NPEPL1: variants seen among roughly 807,000 people sequenced by gnomAD.
NPEPL1 encodes probable aminopeptidase NPEPL1.
NPEPL1 carries 45 observed loss-of-function variants against 52.4 expected under a neutral mutation model. That is an observed-to-expected ratio of 0.86 (90% confidence interval 0.68 to 1.10). NPEPL1 has a LOEUF of 1.10. NPEPL1 is among the 50% of genes least tolerant of loss of function. The pLI is 0.00. For synonymous variants in NPEPL1, 360 were observed against 314.7 expected (o/e 1.14, Z -1.52); for missense variants, 696 against 710.9 (o/e 0.98, Z 0.24).
At chr20:58,692,582 G>GAAGGGCCGC (rs1481515969), upstream of NPEPL1, 1 of 118,098 alleles carries the variant, frequency 8.5e-6, no homozygotes, top group Non-Finnish European at 1.9e-5. This position sits in a 1 kb window ranked among gnomAD's most constrained non-coding sequence, Gnocchi z 5.7. Context: ...CGCGTGTTGG[G>GAAGGGCCGC]CAGGGCCGCT....
At chr20:58,707,385 G>A (rs913523150) in intron 7 of NPEPL1, among the ~76,000 whole-genome samples, 185 bp downstream of exon 7, 2 of 152,230 alleles carry the variant, frequency 1.3e-5, no homozygotes, top group African/African-American at 2.4e-5. Context: ...CTTCATCAGA[G>A]CTGCTCTGGG....
At chr20:58,691,943 C>A, upstream of NPEPL1, 1 of 747,980 alleles carries the variant, frequency 1.3e-6, no homozygotes, top group Non-Finnish European at 2.4e-6. Flanking sequence ...CCACCATCCA[C>A]TCAAGGCTCA....
chr20:58,706,648 C>A (rs2084737053), intron 6 of NPEPL1, among the ~76,000 whole-genome samples: 1 of 152,068 alleles, frequency 6.6e-6, no homozygotes, highest in South Asian at 2.1e-4. Context: ...CCAGAGGCTC[C>A]CTGGACCTCA....
In NPEPL1 at chr20:58,712,489, A is replaced by G. The variant is rs368843269; in HGVS notation, c.911A>G (p.Asp304Gly). The change falls in exon 8 of 12, where the codon GAC (aspartate) becomes GGC (glycine). Residue 304 changes from aspartate to glycine, a missense_variant. By Grantham distance (94) the Asp-to-Gly change is moderately conservative. Coordinates refer to ENST00000356091, the MANE Select transcript of NPEPL1 (RefSeq NM_024663.4). ...CACTTCTCCCTCCAGGGTTTCAAAGACAACCTCCACGCTGTGTTCTGCTTG... is the reference window on the plus strand; with the variant it reads ...CACTTCTCCCTCCAGGGTTTCAAAGGCAACCTCCACGCTGTGTTCTGCTTG... Reference protein sequence around the residue: ...FRAAIKQGFKDNLHAVFCLAE... With the variant: ...FRAAIKQGFKGNLHAVFCLAE... 2.5e-6 allele frequency: 4 copies of G among 1,611,976 alleles called. No individual in the cohort carries two copies. The highest frequency in any genetic ancestry group is 2.7e-5 in the African/African-American group (2 of 74,686).
upstream of NPEPL1, chr20:58,691,908 A>C (rs962448700): frequency 6.4e-6 from 6 of 943,750 alleles, no homozygotes; most frequent in South Asian, 1.4e-5. Flanking sequence ...CTTGCATCTG[A>C]CCCTGTGGGT....
At chr20:58,696,231 ACTCCTGCTCTTGCTC>A (rs530398151) in intron 3 of NPEPL1, among the ~76,000 whole-genome samples, 146 of 151,716 alleles carry the variant, frequency 9.6e-4, no homozygotes, top group African/African-American at 3.5e-3. Flanking sequence ...GGCCACGCCC[ACTCCTGCTCTTGCTC>A]CTCTGCAGGG....
In NPEPL1 at chr20:58,713,809, C is replaced by T. The variant is rs1269906617; in HGVS notation, c.1126-108C>T. ...TTTTTTCTTTTTTTCTCAACCGTCTCTTTTCTGGCTCCCTTATTTCTCTGT... is the reference window on the plus strand; with the variant it reads ...TTTTTTCTTTTTTTCTCAACCGTCTTTTTTCTGGCTCCCTTATTTCTCTGT... On this transcript the variant is annotated intron_variant, in intron 9 of 11. Coordinates refer to ENST00000356091, the MANE Select transcript of NPEPL1 (RefSeq NM_024663.4). This position sits in a 1 kb window ranked among gnomAD's most constrained non-coding sequence, Gnocchi z 4.6. 3.1e-6 allele frequency: 4 copies of T among 1,270,080 alleles called. No homozygotes were observed. In the African/African-American group the frequency reaches 6.1e-5, roughly 19 times the overall value. The allele number at this position is 1,270,080 out of a possible 1,614,324, so 78.7% of individuals were successfully genotyped here.
Position 58,705,407 on chromosome 20 carries a change from T to C in NPEPL1, c.823-1716T>C, listed in dbSNP as rs1601119667. The C allele has an allele frequency of 1.1e-5, 5 of 453,364 alleles. No individual in the cohort carries two copies. The East Asian group carries it at 2.8e-4, about 25-fold the overall frequency. The allele number at this position is 453,364 out of a possible 1,614,324, so 28.1% of individuals were successfully genotyped here. ...AGTCACACGGAATATGGAAAATGTA[T>C]TGTACCCAAGGGTTGAGAGTTTTAA... On this transcript the variant is annotated intron_variant, in intron 6 of 11. Coordinates refer to ENST00000356091, the MANE Select transcript of NPEPL1 (RefSeq NM_024663.4).
At chr20:58,708,768 C>A (rs572449533) in intron 7 of NPEPL1, among the ~76,000 whole-genome samples, 1 of 152,296 alleles carries the variant, frequency 6.6e-6, no homozygotes, top group South Asian at 2.1e-4. Flanking sequence ...CAGATGGGCT[C>A]ACCAGAAGAA....
chr20:58,707,060 T>A, intron 6 of NPEPL1, 63 bp from the exon 7 acceptor site: 1 of 1,504,636 alleles, frequency 6.6e-7, no homozygotes, highest in Non-Finnish European at 9.0e-7. Flanking sequence ...GGTGGGGGGC[T>A]TCCGCTGCCA....
upstream of NPEPL1, chr20:58,692,523 T>G (rs2084369182): frequency 6.6e-6 from 1 of 151,910 alleles, no homozygotes; most frequent in African/African-American, 2.4e-5. The surrounding 1 kb of genome is among the most constrained non-coding windows in gnomAD (Gnocchi z 5.7). Flanking sequence ...CAGGCCCCAC[T>G]GGAGGCCAGG....
chr20:58,712,612 C>A lies in NPEPL1; in HGVS notation c.1001+33C>A, dbSNP rs749658709. ...TGGCCCTCCCACTCCTTCCTGCCCA[C>A]TGTTGGAACTCGCGACCCTTCCCGG... On this transcript the variant is annotated intron_variant, in intron 8 of 11. Coordinates refer to ENST00000356091, the MANE Select transcript of NPEPL1 (RefSeq NM_024663.4). 12 of 1,478,420 alleles carry A rather than the reference C, an allele frequency of 8.1e-6. No individual in the cohort carries two copies. The African/African-American group carries it at 1.7e-4, about 20-fold the overall frequency. The allele number at this position is 1,478,420 out of a possible 1,614,324, so 91.6% of individuals were successfully genotyped here.
At chr20:58,703,691 G>A (rs775475558) in intron 6 of NPEPL1, 3 of 984,696 alleles carry the variant, frequency 3.0e-6, no homozygotes, top group Non-Finnish European at 3.6e-6. Context: ...TCATGTGGCT[G>A]TGGGTAGACC....
In NPEPL1 at chr20:58,693,809, A is replaced by G. The variant is rs757920050; in HGVS notation, c.223A>G (p.Thr75Ala). ...DSCPLYLNYA[T>A]VAALPCRVSR... ...CTGTCCCCTCTACCTGAACTACGCC[A>G]CCGTGGCTGCCCTGCCCTGCAGGGT... The change falls in exon 2 of 12, where the codon ACC becomes GCC. Residue 75 changes from threonine (T) to alanine (A), a missense_variant. Physicochemically the swap from Thr to Ala is moderately conservative, Grantham distance 58. Coordinates refer to ENST00000356091, the MANE Select transcript of NPEPL1 (RefSeq NM_024663.4). 1 of 1,613,598 alleles carries G rather than the reference A, an allele frequency of 6.2e-7. No individual in the cohort carries two copies. The highest frequency in any genetic ancestry group is 8.5e-7 in the Non-Finnish European group (1 of 1,179,744).
upstream of NPEPL1, chr20:58,692,221 A>C: frequency 1.6e-5 from 4 of 246,460 alleles, no homozygotes; most frequent in Non-Finnish European, 3.2e-5. The surrounding 1 kb of genome is among the most constrained non-coding windows in gnomAD (Gnocchi z 5.7). Context: ...ACCCTCTCAC[A>C]TCCAGGGCAG....
chr20:58,694,385 C>T, intron 2 of NPEPL1, 37 bp from the exon 3 acceptor site: 1 of 1,565,234 alleles, frequency 6.4e-7, no homozygotes, highest in Non-Finnish European at 8.6e-7. Context: ...TGGTGGCGGC[C>T]CTTGCACCCC....
At chr20:58,693,595 G>A in intron 1 of NPEPL1, 142 bp from the exon 2 acceptor site, 1 of 689,026 alleles carries the variant, frequency 1.5e-6, no homozygotes. Context: ...ATCTCCCTAA[G>A]GATGGGAAAA....
intron 3 of NPEPL1, among the ~76,000 whole-genome samples, chr20:58,697,646 A>C (rs1243047463): frequency 6.6e-6 from 1 of 152,172 alleles, no homozygotes; most frequent in Admixed American, 6.5e-5. Flanking sequence ...TCTTCTCTTA[A>C]TATTGTCTTT....
At position 58,692,905 on chromosome 20, in the gene NPEPL1, C is replaced by T. The variant is rs1386679695; in HGVS notation, c.5C>T (p.Ala2Val). The change falls in exon 1 of 12, where the codon GCG becomes GTG. Residue 2 changes from alanine (A) to valine (V), a missense_variant. Ala to Val is a moderately conservative substitution (Grantham distance 64, BLOSUM62 0). Transcript: ENST00000356091. This position sits in a 1 kb window ranked among gnomAD's most constrained non-coding sequence, Gnocchi z 5.7. M[A>V]NVGLQFQASA... ...GGGGCGTGGGCCGGCAGGAAGATGG[C>T]GAACGTGGGGCTGCAGTTCCAGGCG... 9.4e-7 allele frequency: 1 copy of T among 1,068,468 alleles called. No homozygotes were observed. Among genetic ancestry groups the T allele is most frequent in the Non-Finnish European group, 1.1e-6 (1 of 880,384 alleles). The allele number at this position is 1,068,468 out of a possible 1,614,324, so 66.2% of individuals were successfully genotyped here. A position where few individuals can be genotyped will look rare whatever the true frequency, so the allele number is the denominator to read the frequency against.
Sources: gnomAD v4.1 joint callset for allele counts (sites outside exome capture counted in the v4.1 genomes callset) on GRCh38, gnomAD v4.1.1 for gene constraint, Gnocchi (gnomAD v3.1) non-coding constraint, MANE v1.5 for transcripts, NCBI Gene and HGNC (gene_info 2026-07-23, HGNC 2026-07-21) for gene names.